The following KATNAL2 variants were observed in gnomAD, a reference collection of about 807,000 sequenced individuals.
KATNAL2 encodes the protein katanin p60 ATPase-containing subunit A-like 2.
KATNAL2 carries 52 observed loss-of-function variants against 76.3 expected under a neutral mutation model. The ratio of observed to expected loss-of-function variants is 0.68; its 90% confidence interval spans 0.55 to 0.86. The LOEUF (loss-of-function observed/expected upper bound fraction) is 0.86, where lower values mean the gene tolerates loss of function less well. KATNAL2 is among the 40% of genes least tolerant of loss of function. The probability of loss-of-function intolerance (pLI) is 0.00; values close to 1 mark genes in which losing one functional copy is unlikely to be tolerated. For missense variants in KATNAL2, 660 were observed against 668.9 expected (o/e 0.99, Z 0.15); for synonymous variants, 243 against 244.2 (o/e 1.00, Z 0.05).
intron 11 of KATNAL2, among the ~76,000 whole-genome samples, chr18:47,067,850 G>A (rs62095427): frequency 0.061 from 9,281 of 152,188 alleles, 391 homozygotes; most frequent in East Asian, 0.13. Context: ...TCTTTTCCAC[G>A]TGGTATTCTT....
chr18:47,089,708 A>G (rs1224816433), intron 15 of KATNAL2, among the ~76,000 whole-genome samples: 1 of 152,246 alleles, frequency 6.6e-6, no homozygotes, highest in Non-Finnish European at 1.5e-5. Context: ...AGATTAAAAT[A>G]TAACATCTTA....
At chr18:47,077,241 A>G in intron 14 of KATNAL2, 110 bp from the exon 15 acceptor site, 1 of 768,452 alleles carries the variant, frequency 1.3e-6, no homozygotes, top group Non-Finnish European at 2.2e-6. Context: ...TCCATTGGCC[A>G]TCAGAACAGA....
chr18:47,074,234 G>C (rs2062108720), intron 13 of KATNAL2, among the ~76,000 whole-genome samples: 1 of 152,200 alleles, frequency 6.6e-6, no homozygotes, highest in South Asian at 2.1e-4. Flanking sequence ...TTCTGTAAAA[G>C]GGAGATGCTG....
chr18:47,100,916 T>C lies in KATNAL2; in HGVS notation c.1528T>C (p.Phe510Leu). Residue 510 changes from phenylalanine (F) to leucine (L), a missense_variant, in exon 18 of 18, where the codon TTT becomes CTT. By Grantham distance (22) the Phe-to-Leu change is conservative. Transcript: ENST00000683218. ...IQLDIVTTAD[F>L]LDVLTHTKPS... is the part of the protein sequence containing the mutation. ...GTTGGATATAGTAACCACTGCCGACTTTCTGGATGTGCTAACTCACACCAA... is the reference window on the plus strand; with the variant it reads ...GTTGGATATAGTAACCACTGCCGACCTTCTGGATGTGCTAACTCACACCAA... 3 of 1,614,144 alleles carry C rather than the reference T, an allele frequency of 1.9e-6. No individual in the cohort carries two copies. The South Asian group carries it at 3.3e-5, about 18-fold the overall frequency.
At chr18:46,934,868 T>G (rs892341023) in intron 1 of KATNAL2, among the ~76,000 whole-genome samples, 9 of 152,260 alleles carry the variant, frequency 5.9e-5, no homozygotes, top group East Asian at 5.8e-4. Context: ...TCTACATATG[T>G]CTAGCCAGTT....
chr18:46,956,001 T>C (rs980268511), intron 3 of KATNAL2, among the ~76,000 whole-genome samples: 10 of 152,286 alleles, frequency 6.6e-5, no homozygotes, highest in African/African-American at 1.4e-4. Flanking sequence ...CTTGCAGAGG[T>C]TGGTTTCAGA....
At chr18:47,056,395 G>A (rs899590634) in intron 6 of KATNAL2, among the ~76,000 whole-genome samples, 6 of 152,222 alleles carry the variant, frequency 3.9e-5, no homozygotes, top group Non-Finnish European at 8.8e-5. Context: ...TGACCAGTAT[G>A]AGGAACAATC....
Position 47,045,329 on chromosome 18 carries a change from CTTTTTT to C in KATNAL2, c.52-1119_52-1114del, listed in dbSNP as rs10533284. Among the ~76,000 whole-genome samples the C allele has an allele frequency of 3.0e-3, 419 of 139,518 alleles. 2 individuals are homozygous for C. The Middle Eastern group carries it at 0.036, about 12-fold the overall frequency. 91.5% of individuals were successfully genotyped at this position (139,518 alleles called of 152,430 possible). A position where few individuals can be genotyped will look rare whatever the true frequency, so the allele number is the denominator to read the frequency against. ...GTTTGTTTTTCTTTTCTTTTCTTTT[CTTTTTT>C]TTTTTTTTGAGACAGAGTCTTACTC... On this transcript the variant is annotated intron_variant, in intron 3 of 17. Transcript: ENST00000683218.
intron 1 of KATNAL2, among the ~76,000 whole-genome samples, chr18:46,929,936 G>T (rs528838173): frequency 1.5e-4 from 23 of 151,838 alleles, no homozygotes; most frequent in African/African-American, 5.3e-4. Context: ...CACCACGCCG[G>T]GCTAATTTTT....
intron 3 of KATNAL2, among the ~76,000 whole-genome samples, chr18:47,031,688 G>T (rs1394223242): frequency 1.3e-5 from 2 of 152,048 alleles, no homozygotes; most frequent in South Asian, 2.1e-4. Flanking sequence ...CATATTGGTC[G>T]TCCTGGTCTT....
chr18:47,034,605 A>C (rs1488956248), intron 3 of KATNAL2: 8 of 1,613,990 alleles, frequency 5.0e-6, no homozygotes, highest in East Asian at 2.2e-5. Context: ...TGTGGCTCAC[A>C]ACGGCTTTCC....
At chr18:46,959,047 T>C (rs962044081) in intron 3 of KATNAL2, among the ~76,000 whole-genome samples, 2 of 152,248 alleles carry the variant, frequency 1.3e-5, no homozygotes, top group Admixed American at 6.5e-5. Flanking sequence ...CCTTAGTTTT[T>C]ATTAATCGCA....
intron 3 of KATNAL2, among the ~76,000 whole-genome samples, chr18:46,967,407 C>T (rs1324874590): frequency 2.5e-5 from 3 of 119,774 alleles, no homozygotes; most frequent in African/African-American, 9.6e-5. Flanking sequence ...TTTTGCCTTG[C>T]GGCTTAGGTC....
chr18:46,934,700 G>A (rs2059036937), intron 1 of KATNAL2, among the ~76,000 whole-genome samples: 2 of 152,166 alleles, frequency 1.3e-5, no homozygotes, highest in South Asian at 4.1e-4. Context: ...TGCTTTTGGT[G>A]TTTTAGACAT....
intron 6 of KATNAL2, among the ~76,000 whole-genome samples, 168 bp from the exon 7 acceptor site, chr18:47,058,067 C>T (rs1197442107): frequency 6.6e-6 from 1 of 152,140 alleles, no homozygotes; most frequent in Non-Finnish European, 1.5e-5. Flanking sequence ...GTGTTAGGGC[C>T]AGGATGGACC....
At chr18:47,032,734 T>A in intron 3 of KATNAL2, 1 of 583,886 alleles carries the variant, frequency 1.7e-6, no homozygotes, top group Admixed American at 3.4e-5. Flanking sequence ...AGGGTGTTTT[T>A]AAAAATTATC....
intron 1 of KATNAL2, among the ~76,000 whole-genome samples, chr18:46,928,500 G>C (rs1212289398): frequency 6.6e-6 from 1 of 152,126 alleles, no homozygotes; most frequent in African/African-American, 2.4e-5. Flanking sequence ...CCCTACTGGG[G>C]GGTGCCTGCC....
chr18:46,924,109 G>T (rs2058658167), intron 1 of KATNAL2, among the ~76,000 whole-genome samples: 1 of 152,138 alleles, frequency 6.6e-6, no homozygotes, highest in African/African-American at 2.4e-5. Flanking sequence ...TTTGGCTTTT[G>T]TTGCCATTGC....
chr18:47,033,457 G>A lies in KATNAL2; in HGVS notation c.52-13000G>A, dbSNP rs373144772. 1.9e-5 allele frequency: 31 copies of A among 1,613,860 alleles called. No individual in the cohort carries two copies. The African/African-American group carries it at 3.7e-4, about 19-fold the overall frequency. On this transcript the variant is annotated intron_variant, in intron 3 of 17. Transcript: ENST00000683218. ...AAGCCGCAGGTACTGCTCCCTCCAA[G>A]TTTTGTTTTCCTGTGGCTTTTCTTC...
Sources: allele counts gnomAD v4.1 joint callset (sites outside exome capture counted in the v4.1 genomes callset), GRCh38; gene constraint gnomAD v4.1.1; transcripts MANE v1.5; gene names NCBI Gene and HGNC (gene_info 2026-07-23, HGNC 2026-07-21).